TXNRD3: variants seen among roughly 807,000 people sequenced by gnomAD.
TXNRD3 encodes TXNRD3 neighbor gene protein.
Under a neutral mutation model 78.2 loss-of-function variants are expected in TXNRD3, and 68 were observed. The ratio of observed to expected loss-of-function variants is 0.87; its 90% CI spans 0.72 to 1.06. The LOEUF is 1.06. Ranked by LOEUF, TXNRD3 falls within the 50% of genes least tolerant of loss-of-function variation. The pLI, the probability that TXNRD3 is intolerant of heterozygous loss-of-function variation, is 0.00. For missense variants in TXNRD3, 751 were observed against 809.5 expected (o/e 0.93, Z 0.88); for synonymous variants, 296 against 300.1 (o/e 0.99, Z 0.14).
At chr3:126,638,223 G>A (rs571969061) in intron 6 of TXNRD3, among the ~76,000 whole-genome samples, 5 of 152,180 alleles carry the variant, frequency 3.3e-5, no homozygotes, top group South Asian at 2.1e-4. Context: ...GATTACAGGC[G>A]TGAGCCACCA....
Position 126,615,425 on chromosome 3 carries a change from GGA to G in TXNRD3, c.1560_1561del (p.Pro521SerfsTer10). Reference sequence around the variant, plus strand: ...TAATCCACAGCAACCATACTCCAGAGGAGTAAACACTGTAGTCGGAACATTAA... The same window carrying G: ...TAATCCACAGCAACCATACTCCAGAGGTAAACACTGTAGTCGGAACATTAA... On this transcript the variant is annotated frameshift_variant, in exon 13 of 16. Coordinates refer to ENST00000524230, the MANE Select transcript of TXNRD3 (RefSeq NM_052883.3). LOFTEE classifies it high-confidence loss of function. 6.6e-7 allele frequency: 1 copy of G among 1,518,290 alleles called. No homozygotes were observed. Among genetic ancestry groups the G allele is most frequent in the Non-Finnish European group, 8.8e-7 (1 of 1,138,888 alleles). The allele number at this position is 1,518,290 out of a possible 1,614,324, so 94.1% of individuals were successfully genotyped here.
At position 126,611,042 on chromosome 3, in the gene TXNRD3, C is replaced by T. The variant is rs192442190; in HGVS notation, c.1723G>A (p.Asp575Asn). ...CTTCTAGTGGTATTACATACATGGT[C>T]GAATTTATTGCAGATTATCTTTGCA... The change falls in exon 14 of 16, where the codon GAC becomes AAC. Residue 575 changes from aspartate (D) to asparagine (N), a missense_variant. Physicochemically the swap from Asp to Asn is conservative, Grantham distance 23 (BLOSUM62 1). Transcript: ENST00000524230. 2.2e-5 allele frequency: 33 copies of T among 1,504,636 alleles called. No individual in the cohort carries two copies. Among genetic ancestry groups the T allele is most frequent in the Middle Eastern group, 1.7e-4 (1 of 5,890 alleles). 93.2% of individuals were successfully genotyped at this position (1,504,636 alleles called of 1,614,324 possible).
chr3:126,619,682 T>C (rs778177998), intron 12 of TXNRD3, among the ~76,000 whole-genome samples: 8 of 152,212 alleles, frequency 5.3e-5, no homozygotes, highest in Non-Finnish European at 7.3e-5. Context: ...AAGAATTCAT[T>C]GCATATTTCC....
At position 126,631,684 on chromosome 3, in the gene TXNRD3, AAGAC is replaced by A. The variant is rs1253170599; in HGVS notation, c.971+76_971+79del. The stretch of plus-strand genomic sequence containing the variant: ...TGTTAATTCAAATCTTTTGTGGAAT[AAGAC>A]AGGAAGTAAACTGGAAACATGTCAA... On this transcript the variant is annotated intron_variant, in intron 8 of 15. Coordinates refer to ENST00000524230, the MANE Select transcript of TXNRD3 (RefSeq NM_052883.3). 3 of 864,692 alleles carry A rather than the reference AAGAC, an allele frequency of 3.5e-6. No homozygotes were observed. In the African/African-American group the frequency reaches 5.1e-5, roughly 15 times the overall value. The allele number at this position is 864,692 out of a possible 1,614,324, so 53.6% of individuals were successfully genotyped here. A position where few individuals can be genotyped will look rare whatever the true frequency, so the allele number is the denominator to read the frequency against.
intron 12 of TXNRD3, among the ~76,000 whole-genome samples, chr3:126,620,372 T>A (rs527347245): frequency 9.1e-4 from 139 of 152,044 alleles, no homozygotes; most frequent in African/African-American, 3.3e-3. Flanking sequence ...ATAGTACTTT[T>A]GTTGAACTTC....
chr3:126,621,347 T>G (rs1159220249), intron 12 of TXNRD3, among the ~76,000 whole-genome samples: 1 of 152,204 alleles, frequency 6.6e-6, no homozygotes, highest in Non-Finnish European at 1.5e-5. Context: ...GCTATTACAG[T>G]GCAACAGTCC....
chr3:126,622,025 C>T (rs115608469), intron 11 of TXNRD3, 127 bp from the exon 12 acceptor site: 17,145 of 696,710 alleles, frequency 0.025, 287 homozygotes, highest in Middle Eastern at 0.046. Context: ...CTCAGGATAT[C>T]AATTATATAT....
intron 6 of TXNRD3, among the ~76,000 whole-genome samples, chr3:126,640,266 G>C: frequency 2.2e-5 from 1 of 45,456 alleles, no homozygotes; most frequent in East Asian, 4.0e-4. Context: ...CACTACGCCC[G>C]GCTAATTTTT....
intron 5 of TXNRD3, among the ~76,000 whole-genome samples, chr3:126,643,163 C>T (rs540582082): frequency 1.3e-5 from 2 of 152,280 alleles, no homozygotes; most frequent in East Asian, 1.9e-4. Flanking sequence ...TCCACTCTTC[C>T]TCTGCCCTCT....
chr3:126,625,410 G>A lies in TXNRD3; in HGVS notation c.1291-2870C>T, dbSNP rs1938556962. On this transcript the variant is annotated intron_variant, in intron 10 of 15. Transcript: ENST00000524230. ...TATGAGTGAGAACATGTAGTGTTTG[G>A]TTTTTTGTCCTTGCAACAGTTTGCT... Among the ~76,000 whole-genome samples the A allele has an allele frequency of 8.0e-5, 12 of 149,336 alleles. No individual in the cohort carries two copies. In the South Asian group the frequency reaches 2.6e-3, roughly 32 times the overall value.
intron 14 of TXNRD3, among the ~76,000 whole-genome samples, 189 bp from the exon 15 acceptor site, chr3:126,608,822 T>A (rs1373539598): frequency 6.6e-6 from 1 of 152,168 alleles, no homozygotes; most frequent in Non-Finnish European, 1.5e-5. Context: ...AGCCAGTAAA[T>A]GCACATCCAG....
intron 10 of TXNRD3, among the ~76,000 whole-genome samples, chr3:126,626,786 A>G (rs1938588862): frequency 6.6e-6 from 1 of 152,204 alleles, no homozygotes; most frequent in African/African-American, 2.4e-5. Context: ...GGTATTTGTC[A>G]AAGAGAAATT....
At position 126,655,114 on chromosome 3, in the gene TXNRD3, C is replaced by A; in HGVS notation, c.-124G>T. 2.3e-6 allele frequency: 3 copies of A among 1,292,544 alleles called. No homozygotes were observed. The highest frequency in any genetic ancestry group is 2.9e-6 in the Non-Finnish European group (3 of 1,018,482). The allele number at this position is 1,292,544 out of a possible 1,614,324, so 80.1% of individuals were successfully genotyped here. On this transcript the variant is annotated 5_prime_UTR_variant, in exon 1 of 16. Coordinates refer to ENST00000524230, the MANE Select transcript of TXNRD3 (RefSeq NM_052883.3). ...CCTCGCTGGCCACTCTCACCACCCG[C>A]GCGAATCCGCGAGGCAGCCGCTCGC...
intron 10 of TXNRD3, chr3:126,626,195 A>T (rs1275563150): frequency 2.0e-5 from 3 of 152,250 alleles, no homozygotes; most frequent in African/African-American, 7.2e-5. Context: ...AAAACTATAA[A>T]GCTTCAGGAA....
At chr3:126,650,578 T>C (rs183956068) in intron 1 of TXNRD3, among the ~76,000 whole-genome samples, 6 of 151,926 alleles carry the variant, frequency 3.9e-5, no homozygotes, top group Admixed American at 3.3e-4. Context: ...GAGGCAGAAG[T>C]TGCAGTGAGC....
intron 12 of TXNRD3, among the ~76,000 whole-genome samples, chr3:126,618,652 G>A (rs1003024000): frequency 2.6e-5 from 4 of 152,012 alleles, no homozygotes; most frequent in Non-Finnish European, 5.9e-5. Context: ...ATTGGTCTAG[G>A]CAAAGATTTT....
chr3:126,621,459 CT>C (rs1329663787), intron 12 of TXNRD3, among the ~76,000 whole-genome samples: 12 of 152,336 alleles, frequency 7.9e-5, no homozygotes, highest in African/African-American at 2.6e-4. Flanking sequence ...CACACTCTGC[CT>C]TCTGCTCAGC....
At chr3:126,608,702 C>A in intron 14 of TXNRD3, 69 bp from the exon 15 acceptor site, 3 of 1,434,608 alleles carry the variant, frequency 2.1e-6, no homozygotes, top group Non-Finnish European at 9.2e-7. Context: ...CCATTCACTG[C>A]AAATTCACAG....
rs773636748 is a variant in TXNRD3 at position 126,631,908 on chromosome 3, A to G, written c.856-29T>C. 2.1e-6 allele frequency: 3 copies of G among 1,441,806 alleles called. No homozygotes were observed. The South Asian group carries it at 3.7e-5, about 18-fold the overall frequency. The allele number at this position is 1,441,806 out of a possible 1,614,324, so 89.3% of individuals were successfully genotyped here. Reference sequence around the variant, plus strand: ...GAAAAAAGAGAAGTAAACCTCACTTAGCAAACACTACAGAGTACCAGACAC... The same window carrying G: ...GAAAAAAGAGAAGTAAACCTCACTTGGCAAACACTACAGAGTACCAGACAC... On this transcript the variant is annotated intron_variant, in intron 7 of 15. Coordinates refer to ENST00000524230, the MANE Select transcript of TXNRD3 (RefSeq NM_052883.3).
Sources: gnomAD v4.1 joint callset for allele counts (sites outside exome capture counted in the v4.1 genomes callset) on GRCh38, gnomAD v4.1.1 for gene constraint, MANE v1.5 for transcripts, NCBI Gene and HGNC (gene_info 2026-07-23, HGNC 2026-07-21) for gene names.